NRXN3: variants seen among roughly 807,000 people sequenced by gnomAD.
NRXN3 encodes the protein neurexin 3, also known as neurexin III.
NRXN3 carries 32 observed loss-of-function variants against 137.6 expected under a neutral mutation model. The ratio of observed to expected loss-of-function variants is 0.23; its 90% CI spans 0.18 to 0.31. The LOEUF (loss-of-function observed/expected upper bound fraction) is 0.31, where lower values mean the gene tolerates loss of function less well. Ranked by LOEUF, NRXN3 falls within the 10% of genes least tolerant of loss-of-function variation. The probability of loss-of-function intolerance (pLI) is 1.00; values close to 1 mark genes in which losing one functional copy is unlikely to be tolerated. For synonymous variants in NRXN3, 798 were observed against 784.5 expected (o/e 1.02, Z -0.29); for missense variants, 1,574 against 2,062.5 (o/e 0.76, Z 4.59).
At chr14:78,559,089 A>C (rs2096764442) in intron 4 of NRXN3, among the ~76,000 whole-genome samples, 1 of 152,162 alleles carries the variant, frequency 6.6e-6, no homozygotes, top group Non-Finnish European at 1.5e-5. Flanking sequence ...CACTGTCATC[A>C]GTAGCACAAG....
At chr14:78,545,312 T>G (rs1456070555) in intron 4 of NRXN3, among the ~76,000 whole-genome samples, 1 of 152,222 alleles carries the variant, frequency 6.6e-6, no homozygotes, top group East Asian at 1.9e-4. Flanking sequence ...TTTCTTAATT[T>G]ACTTTAAACA....
At chr14:78,459,220 T>C (rs1443789139) in intron 4 of NRXN3, among the ~76,000 whole-genome samples, 1 of 152,164 alleles carries the variant, frequency 6.6e-6, no homozygotes, top group Non-Finnish European at 1.5e-5. Context: ...GAGTAGGGCA[T>C]CAAAAGATAG....
chr14:79,145,117 G>A (rs370251619), intron 15 of NRXN3, among the ~76,000 whole-genome samples: 2 of 152,060 alleles, frequency 1.3e-5, no homozygotes, highest in East Asian at 1.9e-4. Context: ...CAAGGGGCGC[G>A]ATTTTAGAGT....
At chr14:79,777,599 T>C (rs1056847296) in intron 19 of NRXN3, among the ~76,000 whole-genome samples, 1 of 151,966 alleles carries the variant, frequency 6.6e-6, no homozygotes, top group Admixed American at 6.6e-5. Flanking sequence ...GATGAAGAGA[T>C]GGATGGATGG....
chr14:78,325,888 T>A (rs2080018095), intron 4 of NRXN3, among the ~76,000 whole-genome samples: 1 of 152,178 alleles, frequency 6.6e-6, no homozygotes, highest in Non-Finnish European at 1.5e-5. Context: ...AAGTTGTCAT[T>A]TTTGAGGGAT....
intron 15 of NRXN3, among the ~76,000 whole-genome samples, chr14:79,005,380 A>G (rs953374525): frequency 3.3e-5 from 5 of 152,138 alleles, no homozygotes; most frequent in African/African-American, 1.2e-4. Context: ...TTTTGTGGCC[A>G]TCTAAGCTTT....
At chr14:79,308,698 T>C (rs2086573299) in intron 15 of NRXN3, among the ~76,000 whole-genome samples, 3 of 151,974 alleles carry the variant, frequency 2.0e-5, no homozygotes, top group African/African-American at 7.2e-5. Flanking sequence ...GGAAGCTAGA[T>C]GAAGAACAAA....
intron 10 of NRXN3, among the ~76,000 whole-genome samples, chr14:78,832,629 A>T (rs950433339): frequency 6.6e-6 from 1 of 152,108 alleles, no homozygotes; most frequent in Admixed American, 6.6e-5. Context: ...ATTAATGCAT[A>T]AAAGTGCCTA....
chr14:78,750,611 C>T (rs1466821960), intron 8 of NRXN3, among the ~76,000 whole-genome samples: 1 of 152,176 alleles, frequency 6.6e-6, no homozygotes. Flanking sequence ...TTTTCACCTG[C>T]TTACCCTCCT....
At chr14:79,841,335 C>A in intron 20 of NRXN3, among the ~76,000 whole-genome samples, 1 of 151,990 alleles carries the variant, frequency 6.6e-6, no homozygotes, top group East Asian at 1.9e-4. Flanking sequence ...ACTTACCGGC[C>A]CTATAGAGAG....
chr14:78,996,942 G>A (rs2153095952), intron 15 of NRXN3, among the ~76,000 whole-genome samples: 1 of 152,238 alleles, frequency 6.6e-6, no homozygotes, highest in East Asian at 1.9e-4. Context: ...GGTACTCTTA[G>A]GAACAGTTCT....
chr14:78,509,851 A>G (rs2096068653), intron 4 of NRXN3, among the ~76,000 whole-genome samples: 1 of 152,128 alleles, frequency 6.6e-6, no homozygotes, highest in South Asian at 2.1e-4. Context: ...CTTTGGATGA[A>G]GAAAGTGAAA....
intron 1 of NRXN3, among the ~76,000 whole-genome samples, chr14:78,225,490 C>A (rs2064432441): frequency 6.6e-6 from 1 of 151,968 alleles, no homozygotes; most frequent in Non-Finnish European, 1.5e-5. Flanking sequence ...ATTGTAGATT[C>A]TGGATATTAG....
At chr14:79,283,946 C>T (rs1214531029) in intron 15 of NRXN3, among the ~76,000 whole-genome samples, 1 of 151,792 alleles carries the variant, frequency 6.6e-6, no homozygotes, top group Non-Finnish European at 1.5e-5. Flanking sequence ...GAAATTAATA[C>T]AAAATCAAAA....
intron 10 of NRXN3, among the ~76,000 whole-genome samples, chr14:78,852,573 G>A (rs1055075605): frequency 1.4e-4 from 21 of 152,068 alleles, no homozygotes; most frequent in Admixed American, 1.2e-3. Flanking sequence ...ATGTTCATAT[G>A]TTCATGTGTT....
At chr14:79,548,325 G>A (rs575862304) in intron 16 of NRXN3, among the ~76,000 whole-genome samples, 2 of 152,262 alleles carry the variant, frequency 1.3e-5, no homozygotes, top group African/African-American at 4.8e-5. Context: ...TGCTGAGAAT[G>A]ATGGTTTCCA....
intron 15 of NRXN3, among the ~76,000 whole-genome samples, chr14:79,123,984 T>G (rs1196941467): frequency 6.6e-6 from 1 of 152,110 alleles, no homozygotes; most frequent in Non-Finnish European, 1.5e-5. Flanking sequence ...GATGGCTGTA[T>G]CCCTCCCCAC....
chr14:79,658,187 T>C (rs1188135557), intron 16 of NRXN3, among the ~76,000 whole-genome samples: 2 of 152,212 alleles, frequency 1.3e-5, no homozygotes, highest in Non-Finnish European at 2.9e-5. Flanking sequence ...CTGGATTCTA[T>C]TTTTCCATAA....
chr14:79,409,125 ACTGCAAT>A (rs2095367262), intron 15 of NRXN3, among the ~76,000 whole-genome samples: 1 of 152,080 alleles, frequency 6.6e-6, no homozygotes, highest in Non-Finnish European at 1.5e-5. Context: ...AACTGAGTAA[ACTGCAAT>A]CTTTGCAAAG....
Sources: gnomAD v4.1 joint callset for allele counts (sites outside exome capture counted in the v4.1 genomes callset) on GRCh38, gnomAD v4.1.1 for gene constraint, MANE v1.5 for transcripts, NCBI Gene and HGNC (gene_info 2026-07-23, HGNC 2026-07-21) for gene names.